CEP128: variants seen among roughly 807,000 people sequenced by gnomAD.
The protein encoded by CEP128 is centrosomal protein 128kDa.
CEP128 carries 132 observed loss-of-function variants against 156.7 expected under a neutral mutation model. The ratio of observed to expected loss-of-function variants is 0.84; its 90% CI spans 0.73 to 0.97. The LOEUF is 0.97. Among genes scored for constraint, CEP128 ranks in the 50% least tolerant of loss-of-function variants. The pLI is 0.00. For missense variants in CEP128, 1,252 were observed against 1,281.9 expected (o/e 0.98, Z 0.36); for synonymous variants, 469 against 448.9 (o/e 1.04, Z -0.57).
At position 80,649,402 on chromosome 14, in the gene CEP128, T is replaced by G. The variant is rs539900202; in HGVS notation, c.2807-68979A>C. 7.3e-4 allele frequency among the ~76,000 whole-genome samples: 111 copies of G among 151,958 alleles called. 1 individual carries two copies. Among genetic ancestry groups the G allele is most frequent in the African/African-American group, 2.6e-3 (106 of 41,454 alleles). On this transcript the variant is annotated intron_variant, in intron 19 of 24. Coordinates refer to ENST00000555265, the MANE Select transcript of CEP128 (RefSeq NM_152446.5). ...CTAAAAAATGAAACCTGAAAAAAATTGATATTAATGCAATGGAGAAAATTG... is the reference window on the plus strand; with the variant it reads ...CTAAAAAATGAAACCTGAAAAAAATGGATATTAATGCAATGGAGAAAATTG...
chr14:80,574,161 TGAGATTTCTA>T (rs1224506787), intron 20 of CEP128, among the ~76,000 whole-genome samples: 1 of 152,212 alleles, frequency 6.6e-6, no homozygotes, highest in Non-Finnish European at 1.5e-5. Flanking sequence ...TTATTCAAAT[TGAGATTTCTA>T]AAAATGTACT....
intron 4 of CEP128, among the ~76,000 whole-genome samples, chr14:80,909,625 G>A (rs983420485): frequency 2.0e-5 from 3 of 152,114 alleles, no homozygotes; most frequent in South Asian, 2.1e-4. Flanking sequence ...AAATAAAGGC[G>A]ATTTTAAATT....
chr14:80,717,768 T>A (rs937036166), intron 19 of CEP128, among the ~76,000 whole-genome samples: 1 of 152,182 alleles, frequency 6.6e-6, no homozygotes, highest in Admixed American at 6.6e-5. Context: ...ACTCAGTATG[T>A]CATTTCACAC....
intron 10 of CEP128, 74 bp downstream of exon 10, chr14:80,840,608 T>C: frequency 1.1e-6 from 1 of 913,758 alleles, no homozygotes; most frequent in South Asian, 1.4e-5. Context: ...CTGGGGACAC[T>C]TTTCAAGGCA....
chr14:80,731,257 T>A (rs925820554), intron 19 of CEP128, among the ~76,000 whole-genome samples: 1 of 152,184 alleles, frequency 6.6e-6, no homozygotes, highest in African/African-American at 2.4e-5. Context: ...AAACACAAAA[T>A]CGAGTTTCAC....
downstream of CEP128, among the ~76,000 whole-genome samples, chr14:80,489,267 T>TAAAAAAAAAAAAAAA (rs35135843): frequency 9.3e-6 from 1 of 108,034 alleles, no homozygotes; most frequent in Non-Finnish European, 1.9e-5. Flanking sequence ...TTGTAAAAGC[T>TAAAAAAAAAAAAAAA]AAAAAAAAAA....
At chr14:80,720,868 A>G (rs544633295) in intron 19 of CEP128, among the ~76,000 whole-genome samples, 30 of 152,332 alleles carry the variant, frequency 2.0e-4, no homozygotes, top group Admixed American at 5.2e-4. Context: ...CTACGAATTT[A>G]AGAATAAACT....
intron 2 of CEP128, among the ~76,000 whole-genome samples, chr14:80,936,111 G>A (rs1175285426): frequency 2.6e-5 from 4 of 152,194 alleles, no homozygotes; most frequent in African/African-American, 9.7e-5. Context: ...TGCCTGGGAA[G>A]TACAGAATTA....
chr14:80,683,699 C>T (rs1287263118), intron 19 of CEP128, among the ~76,000 whole-genome samples: 1 of 152,096 alleles, frequency 6.6e-6, no homozygotes, highest in African/African-American at 2.4e-5. Flanking sequence ...CACTCCAACA[C>T]TGACCATAAG....
intron 12 of CEP128, among the ~76,000 whole-genome samples, chr14:80,835,141 T>A (rs1331320259): frequency 6.6e-6 from 1 of 152,008 alleles, no homozygotes; most frequent in African/African-American, 2.4e-5. Flanking sequence ...CCTTTACACA[T>A]CCCCACTCCC....
At chr14:80,705,343 C>CA (rs1897206807) in intron 19 of CEP128, among the ~76,000 whole-genome samples, 2 of 152,014 alleles carry the variant, frequency 1.3e-5, no homozygotes, top group Admixed American at 6.6e-5. Flanking sequence ...CTTTGTCATG[C>CA]AAACTTTTCC....
intron 14 of CEP128, among the ~76,000 whole-genome samples, chr14:80,483,029 C>T (rs35334352): frequency 0.3 from 44,889 of 152,086 alleles, 7,376 homozygotes; most frequent in Admixed American, 0.41. Context: ...TCAGCAAAGA[C>T]TGACCTGCCA....
chr14:80,686,974 T>C (rs1896547367), intron 19 of CEP128, among the ~76,000 whole-genome samples: 1 of 152,040 alleles, frequency 6.6e-6, no homozygotes, highest in Admixed American at 6.6e-5. Context: ...AAACTTAGAC[T>C]CCAACACAAT....
intron 19 of CEP128, among the ~76,000 whole-genome samples, chr14:80,604,577 A>T (rs974321444): frequency 6.6e-6 from 1 of 152,152 alleles, no homozygotes; most frequent in Non-Finnish European, 1.5e-5. Flanking sequence ...ATATAACATT[A>T]TTCGAATCTC....
At chr14:80,735,474 T>A (rs550007696) in intron 19 of CEP128, among the ~76,000 whole-genome samples, 139 of 152,336 alleles carry the variant, frequency 9.1e-4, no homozygotes, top group Non-Finnish European at 8.8e-4. Context: ...CCTAATTTAC[T>A]GATAAGTGTC....
chr14:80,542,038 C>A (rs965888914), intron 21 of CEP128, among the ~76,000 whole-genome samples: 1 of 152,190 alleles, frequency 6.6e-6, no homozygotes, highest in East Asian at 1.9e-4. Context: ...GCTTGGCATG[C>A]GGTAAGCACT....
At chr14:80,945,555 C>T (rs1173647721), upstream of CEP128, 1 of 152,176 alleles carries the variant, frequency 6.6e-6, no homozygotes, top group Admixed American at 6.5e-5. Flanking sequence ...TACAAAGCCC[C>T]TACCTGTCTC....
At chr14:80,673,692 T>C (rs1189816780) in intron 19 of CEP128, among the ~76,000 whole-genome samples, 30 of 137,404 alleles carry the variant, frequency 2.2e-4, no homozygotes, top group Admixed American at 1.5e-3. Context: ...CAAAGGGATC[T>C]CACATTCGGA....
intron 19 of CEP128, among the ~76,000 whole-genome samples, chr14:80,589,666 G>A (rs1446662946): frequency 2.0e-5 from 3 of 152,116 alleles, no homozygotes; most frequent in African/African-American, 4.8e-5. Flanking sequence ...ATGCTGGAGT[G>A]TAATTATGTA....
Sources: allele counts gnomAD v4.1 joint callset (sites outside exome capture counted in the v4.1 genomes callset), GRCh38; gene constraint gnomAD v4.1.1; transcripts MANE v1.5; gene names NCBI Gene and HGNC (gene_info 2026-07-23, HGNC 2026-07-21).